The following FOXJ3 variants were observed in gnomAD, a reference collection of about 807,000 sequenced individuals.
FOXJ3 encodes the protein forkhead box J3.
A neutral mutation model predicts 76.1 loss-of-function variants in FOXJ3; 22 were observed. The ratio of observed to expected loss-of-function variants is 0.29; its 90% CI spans 0.21 to 0.41. FOXJ3 has a LOEUF of 0.41. Ranked by LOEUF, FOXJ3 falls within the 10% of genes least tolerant of loss-of-function variation. FOXJ3 has a pLI of 1.00. For synonymous variants in FOXJ3, 269 were observed against 261.2 expected, an observed-to-expected ratio of 1.03 and a Z score of -0.29; for missense variants, 613 against 762.1, an observed-to-expected ratio of 0.80 and a Z score of 2.30.
At chr1:42,334,486 A>G (rs1334810750) in intron 1 of FOXJ3, among the ~76,000 whole-genome samples, 1 of 152,012 alleles carries the variant, frequency 6.6e-6, no homozygotes, top group East Asian at 1.9e-4. Flanking sequence ...ACACGTCCGC[A>G]TGGAACGGCT....
At chr1:42,277,596 G>C (rs1219284008) in intron 3 of FOXJ3, among the ~76,000 whole-genome samples, 1 of 29,830 alleles carries the variant, frequency 3.4e-5, no homozygotes, top group African/African-American at 9.7e-5. Context: ...AGGAGATCGA[G>C]ACCATCCCGG....
intron 12 of FOXJ3, among the ~76,000 whole-genome samples, chr1:42,180,359 G>T (rs973849201): frequency 4.6e-5 from 7 of 152,138 alleles, no homozygotes; most frequent in Non-Finnish European, 1.0e-4. Flanking sequence ...GCTGAGTACA[G>T]AATGCCCACC....
At chr1:42,319,627 T>G (rs926395526) in intron 1 of FOXJ3, among the ~76,000 whole-genome samples, 3 of 152,190 alleles carry the variant, frequency 2.0e-5, no homozygotes, top group African/African-American at 7.2e-5. Context: ...TAAAAAACAC[T>G]GAATTTTACA....
chr1:42,195,714 G>T (rs1646637997), intron 7 of FOXJ3, among the ~76,000 whole-genome samples: 2 of 152,218 alleles, frequency 1.3e-5, no homozygotes, highest in Non-Finnish European at 2.9e-5. Flanking sequence ...ATTAAGGTAT[G>T]AACATTGACT....
intron 1 of FOXJ3, among the ~76,000 whole-genome samples, chr1:42,321,721 G>C (rs181464304): frequency 1.8e-4 from 27 of 151,962 alleles, no homozygotes; most frequent in Non-Finnish European, 2.9e-5. Context: ...AGATTTTTGC[G>C]CCACTTTGGA....
intron 6 of FOXJ3, among the ~76,000 whole-genome samples, chr1:42,202,211 T>C (rs1010899053): frequency 6.6e-6 from 1 of 152,222 alleles, no homozygotes; most frequent in South Asian, 2.1e-4. Context: ...TACTTTTCAA[T>C]TCAGACACTG....
At chr1:42,204,689 A>G (rs1557635300) in intron 6 of FOXJ3, among the ~76,000 whole-genome samples, 1 of 151,986 alleles carries the variant, frequency 6.6e-6, no homozygotes, top group East Asian at 1.9e-4. Context: ...TGGGATTACC[A>G]CCACTACCAC....
intron 10 of FOXJ3, 120 bp downstream of exon 10, chr1:42,189,183 C>T: frequency 1.4e-6 from 1 of 728,750 alleles, no homozygotes; most frequent in Non-Finnish European, 2.2e-6. Context: ...TGAATTTTAC[C>T]AACTGCAAAA....
chr1:42,320,237 A>G (rs559075698), intron 1 of FOXJ3, among the ~76,000 whole-genome samples: 1 of 152,276 alleles, frequency 6.6e-6, no homozygotes, highest in South Asian at 2.1e-4. Context: ...TTCCTGGCCA[A>G]ACATCACAGA....
At chr1:42,235,067 G>C (rs1648491680) in intron 4 of FOXJ3, among the ~76,000 whole-genome samples, 3 of 152,170 alleles carry the variant, frequency 2.0e-5, no homozygotes, top group Admixed American at 2.0e-4. Context: ...GGAGCTTCCT[G>C]GCCGCTTTGT....
intron 1 of FOXJ3, among the ~76,000 whole-genome samples, chr1:42,334,726 C>G (rs1656367706): frequency 6.6e-6 from 1 of 151,946 alleles, no homozygotes; most frequent in Non-Finnish European, 1.5e-5. Context: ...GGTCGCTGCC[C>G]TCGGACTAGG....
intron 11 of FOXJ3, among the ~76,000 whole-genome samples, chr1:42,183,919 C>T (rs182987696): frequency 2.4e-4 from 36 of 152,234 alleles, no homozygotes; most frequent in Non-Finnish European, 5.9e-5. Flanking sequence ...TTCTGACCCC[C>T]TGTCCCTGCC....
At chr1:42,295,558 TCA>T (rs1653733165) in intron 2 of FOXJ3, among the ~76,000 whole-genome samples, 1 of 133,154 alleles carries the variant, frequency 7.5e-6, no homozygotes, top group African/African-American at 2.8e-5. Flanking sequence ...AGACACAGTC[TCA>T]CTCTGTCCCC....
At chr1:42,320,219 G>T (rs1221588808) in intron 1 of FOXJ3, among the ~76,000 whole-genome samples, 6 of 151,222 alleles carry the variant, frequency 4.0e-5, no homozygotes, top group African/African-American at 1.5e-4. Context: ...GCGTGGGGGA[G>T]GGGGGGCTTC....
intron 2 of FOXJ3, among the ~76,000 whole-genome samples, chr1:42,284,431 A>G (rs1485528944): frequency 6.6e-6 from 1 of 152,240 alleles, no homozygotes; most frequent in Non-Finnish European, 1.5e-5. Context: ...GTCCTAAAAG[A>G]GAAATAAACT....
Position 42,191,468 on chromosome 1 carries a change from G to A in FOXJ3, c.1186C>T (p.Arg396Cys), listed in dbSNP as rs779227723. 1.4e-5 allele frequency: 23 copies of A among 1,613,400 alleles called. No individual in the cohort carries two copies. Among genetic ancestry groups the A allele is most frequent in the South Asian group, 3.3e-5 (3 of 91,016 alleles). The part of the protein sequence containing the change: ...RPHGLPQHPQ[R>C]SPHPAPHPQQ... ...GGGTGTGGTGCTGGGTGTGGGGAAC[G>A]CTGCGGATGCTGCGGTAAACCATGC... The change falls in exon 9 of 13, where the codon CGT becomes TGT. Residue 396 changes from arginine to cysteine, a missense_variant. Arg to Cys is a radical substitution (Grantham distance 180). Around this residue, in one of 3 missense-constraint regions of FOXJ3, gnomAD observed 526 missense variants for 601.4 expected, o/e 0.87. Transcript: ENST00000361346.
chr1:42,323,668 T>G, intron 1 of FOXJ3: 2 of 974,588 alleles, frequency 2.1e-6, no homozygotes, highest in Non-Finnish European at 2.4e-6. Flanking sequence ...GCTAAGAGAC[T>G]ATGCCTCTTA....
At chr1:42,303,134 CAATA>C (rs772545759) in intron 2 of FOXJ3, among the ~76,000 whole-genome samples, 24 of 152,052 alleles carry the variant, frequency 1.6e-4, no homozygotes, top group Admixed American at 9.8e-4. Flanking sequence ...CCTGAAATTA[CAATA>C]AATACTTATA....
At chr1:42,239,887 C>T (rs753935811) in intron 4 of FOXJ3, among the ~76,000 whole-genome samples, 2 of 152,144 alleles carry the variant, frequency 1.3e-5, no homozygotes, top group Non-Finnish European at 2.9e-5. Flanking sequence ...AAACACAAAT[C>T]TTTTGGGGTT....
Sources: gnomAD v4.1 joint callset for allele counts (sites outside exome capture counted in the v4.1 genomes callset) on GRCh38, gnomAD v4.1.1 for gene constraint, gnomAD v4.1.1 regional missense constraint, MANE v1.5 for transcripts, NCBI Gene and HGNC (gene_info 2026-07-23, HGNC 2026-07-21) for gene names.